KDM3A: variants seen among roughly 807,000 people sequenced by gnomAD.
KDM3A encodes lysine demethylase 3A, also known as lysine-specific demethylase 3A.
KDM3A carries 60 observed loss-of-function variants against 158.0 expected under a neutral mutation model. That is an observed-to-expected ratio of 0.38 (90% CI 0.31 to 0.47). KDM3A has a LOEUF of 0.47. Ranked by LOEUF, KDM3A falls within the 20% of genes least tolerant of loss-of-function variation. The pLI is 0.99. For missense variants in KDM3A, 1,319 were observed against 1,574.3 expected (o/e 0.84, Z 2.74); for synonymous variants, 608 against 549.3 (o/e 1.11, Z -1.49).
intron 19 of KDM3A, chr2:86,484,574 TACC>T (rs1391781274): frequency 4.1e-6 from 1 of 241,564 alleles, no homozygotes; most frequent in African/African-American, 2.3e-5. Context: ...GCTGTTGAAA[TACC>T]ACCTACATGC....
At chr2:86,477,742 G>T in intron 12 of KDM3A, 135 bp from the exon 13 acceptor site, 9 of 753,882 alleles carry the variant, frequency 1.2e-5, no homozygotes, top group Non-Finnish European at 1.9e-5. Flanking sequence ...GTGGAGGACA[G>T]CATTTGCAAT....
intron 11 of KDM3A, among the ~76,000 whole-genome samples, chr2:86,472,570 T>C (rs1245415328): frequency 6.6e-6 from 1 of 152,202 alleles, no homozygotes; most frequent in Non-Finnish European, 1.5e-5. Context: ...TCTTAAAAAA[T>C]TAAAAACTTT....
rs201831015 is a variant in KDM3A, at chr2:86,442,185, G to T, written c.138G>T (p.Gly46=). ...TCGCCGAGTGGCCCTGGCTCTCCGG[G>T]ACCATTCGAGCTGTTTCCCACACCG... ...ERVAEWPWLS[G]TIRAVSHTDV... Residue 46 remains glycine, a synonymous_variant, in exon 2 of 26, where the codon GGG becomes GGT. Coordinates refer to ENST00000312912, the MANE Select transcript of KDM3A (RefSeq NM_018433.6). 2 of 1,613,812 alleles carry T rather than the reference G, an allele frequency of 1.2e-6. No homozygotes were observed. Among genetic ancestry groups the T allele is most frequent in the South Asian group, 1.1e-5 (1 of 91,050 alleles).
chr2:86,455,416 C>T (rs1450419485), intron 5 of KDM3A, among the ~76,000 whole-genome samples: 1 of 151,648 alleles, frequency 6.6e-6, no homozygotes, highest in Non-Finnish European at 1.5e-5. Context: ...CCACACCCGG[C>T]TAGTTTTTGT....
At chr2:86,484,797 T>A in intron 19 of KDM3A, 145 bp from the exon 20 acceptor site, 1 of 555,384 alleles carries the variant, frequency 1.8e-6, no homozygotes, top group Non-Finnish European at 3.2e-6. Context: ...AAAAGTAATA[T>A]TTGTATACTA....
intron 9 of KDM3A, among the ~76,000 whole-genome samples, chr2:86,464,822 T>C (rs908352172): frequency 1.3e-5 from 2 of 152,186 alleles, no homozygotes; most frequent in African/African-American, 4.8e-5. Flanking sequence ...GTGGCCTGCG[T>C]AGGCAGGCAG....
intron 5 of KDM3A, among the ~76,000 whole-genome samples, chr2:86,455,953 CAAAAA>C (rs574299612): frequency 5.3e-4 from 30 of 56,180 alleles, no homozygotes; most frequent in East Asian, 3.4e-3. Context: ...GACCCTGTCT[CAAAAA>C]AAAAAAAAAA....
chr2:86,472,541 CTA>C (rs1673469389), intron 11 of KDM3A, among the ~76,000 whole-genome samples: 2 of 152,032 alleles, frequency 1.3e-5, no homozygotes, highest in South Asian at 4.2e-4. Flanking sequence ...TGTGTTATGA[CTA>C]TCTCTAATTT....
At chr2:86,451,333 A>T (rs1000576927) in intron 4 of KDM3A, 120 bp downstream of exon 4, 2 of 569,374 alleles carry the variant, frequency 3.5e-6, no homozygotes, top group Non-Finnish European at 6.0e-6. Context: ...CTCCTTGCAC[A>T]GTAAAACATC....
At chr2:86,485,602 A>T (rs778545908) in intron 20 of KDM3A, 127 bp from the exon 21 acceptor site, 47 of 1,056,620 alleles carry the variant, frequency 4.4e-5, no homozygotes, top group Non-Finnish European at 6.5e-5. Flanking sequence ...TAAATATTTG[A>T]TGGCTGTCAG....
At chr2:86,481,409 C>A (rs74620995) in intron 16 of KDM3A, among the ~76,000 whole-genome samples, 2 of 152,026 alleles carry the variant, frequency 1.3e-5, no homozygotes, top group East Asian at 3.9e-4. Flanking sequence ...CCTGCCACCA[C>A]GCCCTGCTAA....
chr2:86,442,989 G>A (rs1453393434), intron 2 of KDM3A, among the ~76,000 whole-genome samples: 1 of 152,140 alleles, frequency 6.6e-6, no homozygotes, highest in African/African-American at 2.4e-5. Context: ...TTTTCTGTTA[G>A]ATCTTTTCAA....
chr2:86,456,843 T>C lies in KDM3A; in HGVS notation c.720T>C (p.His240=), dbSNP rs1230108874. The C allele has an allele frequency of 6.8e-6, 11 of 1,612,624 alleles. No individual in the cohort carries two copies. The highest frequency in any genetic ancestry group is 1.3e-5 in the African/African-American group (1 of 74,894). The change falls in exon 7 of 26, where the codon CAT becomes CAC. Residue 240 remains histidine, a synonymous_variant. Coordinates refer to ENST00000312912, the MANE Select transcript of KDM3A (RefSeq NM_018433.6). The stretch of plus-strand genomic sequence containing the variant: ...AAATTGTTGATCCGTCACTGATTCA[T>C]GTTGAAGTTGTACACGATAACCTTG... ...ALKIVDPSLI[H]VEVVHDNLVT... is the part of the protein sequence containing the mutation.
chr2:86,490,732 T>A, intron 23 of KDM3A, 149 bp from the exon 24 acceptor site: 1 of 576,410 alleles, frequency 1.7e-6, no homozygotes, highest in South Asian at 2.4e-5. Flanking sequence ...CTGAAGTCTT[T>A]GATACTACTA....
chr2:86,477,225 T>C (rs962053092), intron 12 of KDM3A, among the ~76,000 whole-genome samples: 5 of 152,226 alleles, frequency 3.3e-5, no homozygotes, highest in African/African-American at 1.2e-4. Context: ...TAGTGTGAGT[T>C]AGTCCTGGGT....
chr2:86,471,321 A>G (rs1227957761), intron 11 of KDM3A, among the ~76,000 whole-genome samples: 16 of 151,502 alleles, frequency 1.1e-4, no homozygotes, highest in East Asian at 1.9e-4. Context: ...ATATGTGTAT[A>G]TGTGTATGTG....
At chr2:86,465,552 C>T (rs1179223804) in intron 9 of KDM3A, among the ~76,000 whole-genome samples, 5 of 152,058 alleles carry the variant, frequency 3.3e-5, no homozygotes, top group East Asian at 1.9e-4. Flanking sequence ...GGACTACAGG[C>T]GCGTGCCACC....
intron 11 of KDM3A, among the ~76,000 whole-genome samples, chr2:86,473,156 G>A (rs1034282513): frequency 2.6e-5 from 4 of 152,110 alleles, no homozygotes; most frequent in African/African-American, 9.7e-5. Flanking sequence ...ATGCATGTAT[G>A]TATTTACTTA....
In KDM3A at chr2:86,492,229, C is replaced by G; in HGVS notation, c.*110C>G. 1 of 774,068 alleles carries G rather than the reference C, an allele frequency of 1.3e-6. No individual in the cohort carries two copies. The highest frequency in any genetic ancestry group is 2.2e-6 in the Non-Finnish European group (1 of 453,238). 47.9% of individuals were successfully genotyped at this position (774,068 alleles called of 1,614,324 possible). ...CTCATCTTCTTTTTTAAACTGTACC[C>G]AACTTGTGAGGGTACTCTGTCTAAT... On this transcript the variant is annotated 3_prime_UTR_variant, in exon 26 of 26. Coordinates refer to ENST00000312912, the MANE Select transcript of KDM3A (RefSeq NM_018433.6).
Sources: gnomAD v4.1 joint callset for allele counts (sites outside exome capture counted in the v4.1 genomes callset) on GRCh38, gnomAD v4.1.1 for gene constraint, MANE v1.5 for transcripts, NCBI Gene and HGNC (gene_info 2026-07-23, HGNC 2026-07-21) for gene names.